The following USP35 variants were observed in gnomAD, a reference collection of about 807,000 sequenced individuals.
The protein encoded by USP35 is ubiquitin carboxyl-terminal hydrolase 35.
A neutral mutation model predicts 83.8 loss-of-function variants in USP35; 69 were observed. The ratio of observed to expected loss-of-function variants is 0.82; its 90% CI spans 0.68 to 1.01. USP35 has a LOEUF of 1.01. Ranked by LOEUF, USP35 falls within the 50% of genes least tolerant of loss-of-function variation. The pLI is 0.00. For missense variants in USP35, 1,503 were observed against 1,362.5 expected (o/e 1.10, Z -1.62); for synonymous variants, 714 against 589.5 (o/e 1.21, Z -3.06).
chr11:78,200,526 G>C (rs753920932), intron 5 of USP35, 124 bp from the exon 6 acceptor site: 143 of 1,395,942 alleles, frequency 1.0e-4, no homozygotes, highest in Non-Finnish European at 1.3e-4. Flanking sequence ...TGGGTCAGGG[G>C]ACAGTGGTCA....
rs368626758 is a variant in USP35, at chr11:78,213,854, C to T, written c.*41C>T. ...AACCTGACCCCTTCCCTCCAGGAGC[C>T]AGGTAGGGCCTGAGGGAAGCTGTGG... On this transcript the variant is annotated 3_prime_UTR_variant, in exon 11 of 11. Transcript: ENST00000529308. The T allele has an allele frequency of 2.0e-6, 3 of 1,528,402 alleles. No individual in the cohort carries two copies. In the African/African-American group the frequency reaches 4.4e-5, roughly 22 times the overall value. 94.7% of individuals were successfully genotyped at this position (1,528,402 alleles called of 1,614,324 possible).
At position 78,209,531 on chromosome 11, in the gene USP35, C is replaced by G. The variant is rs190931336; in HGVS notation, c.1676C>G (p.Pro559Arg). 17 of 1,614,098 alleles carry G rather than the reference C, an allele frequency of 1.1e-5. No individual in the cohort carries two copies. The highest frequency in any genetic ancestry group is 1.4e-5 in the Non-Finnish European group (16 of 1,180,008). The change falls in exon 10 of 11, where the codon CCG (proline) becomes CGG (arginine). Residue 559 changes from proline to arginine, a missense_variant. Pro to Arg is a moderately radical substitution (Grantham distance 103). Coordinates refer to ENST00000529308, the MANE Select transcript of USP35 (RefSeq NM_020798.4). ...TCGCCCTCTCCGCCCGAGGAGCCCC[C>G]GGCCCCAAGTTCAACCTCTGTGGAA... ...SSSPSPPEEP[P>R]APSSTSVEKM...
chr11:78,193,764 A>C (rs147783949), intron 1 of USP35, among the ~76,000 whole-genome samples: 3 of 146,770 alleles, frequency 2.0e-5, no homozygotes, highest in African/African-American at 7.4e-5. Flanking sequence ...AACAACAACA[A>C]AACCCAGAAT....
chr11:78,233,369 G>C, the USP35 span, among the ~76,000 whole-genome samples: 1 of 152,100 alleles, frequency 6.6e-6, no homozygotes, highest in African/African-American at 2.4e-5. Flanking sequence ...TTCCAGCAGA[G>C]GTAAAGCAGA....
At chr11:78,219,767 T>C (rs568615686), downstream of USP35, among the ~76,000 whole-genome samples, 1 of 152,262 alleles carries the variant, frequency 6.6e-6, no homozygotes, top group African/African-American at 2.4e-5. Flanking sequence ...AGGAATTTGC[T>C]AGGTGCAAAC....
chr11:78,230,359 T>G, the USP35 span, among the ~76,000 whole-genome samples: 1 of 152,244 alleles, frequency 6.6e-6, no homozygotes, highest in Non-Finnish European at 1.5e-5. Context: ...GCCCTGGTCT[T>G]GCATTACTCA....
chr11:78,207,739 T>C, intron 8 of USP35, 116 bp downstream of exon 8: 1 of 1,080,544 alleles, frequency 9.3e-7, no homozygotes. Context: ...CCCATGTCAG[T>C]TGCTGAGCCC....
chr11:78,200,706 G>A lies in USP35; in HGVS notation c.1095G>A (p.Ser365=), dbSNP rs758684728. The change falls in exon 6 of 11, where the codon TCG becomes TCA. Residue 365 remains serine (S), a synonymous_variant. Transcript: ENST00000529308. ...VASLVKEDSN[S]GTSCLEQLAE... Reference sequence around the variant, plus strand: ...CTCTGGTCAAGGAGGACTCGAACTCGGGGACCAGCTGCCTGGAGCAGCTGG... The same window carrying A: ...CTCTGGTCAAGGAGGACTCGAACTCAGGGACCAGCTGCCTGGAGCAGCTGG... The A allele has an allele frequency of 2.7e-5, 43 of 1,613,938 alleles. 1 individual carries two copies. The highest frequency in any genetic ancestry group is 2.0e-4 in the South Asian group (18 of 91,080).
the USP35 span, among the ~76,000 whole-genome samples, chr11:78,220,693 G>T: frequency 6.6e-6 from 1 of 152,124 alleles, no homozygotes; most frequent in Non-Finnish European, 1.5e-5. Context: ...AAGTGACTTT[G>T]CCTGTGGCTG....
the USP35 span, among the ~76,000 whole-genome samples, chr11:78,228,914 G>T: frequency 6.6e-6 from 1 of 152,012 alleles, no homozygotes; most frequent in Non-Finnish European, 1.5e-5. Context: ...TGCTTTTTTT[G>T]GAATTTCCAA....
chr11:78,207,365 G>T, intron 7 of USP35, 165 bp from the exon 8 acceptor site: 1 of 639,382 alleles, frequency 1.6e-6, no homozygotes, highest in South Asian at 1.9e-5. Context: ...AGGCTGAGTT[G>T]TTCACCTGCT....
chr11:78,233,355 G>C, the USP35 span, among the ~76,000 whole-genome samples: 9 of 152,246 alleles, frequency 5.9e-5, 1 homozygote, highest in South Asian at 1.9e-3. Context: ...TTTTATTTTA[G>C]CCCTTCCAGC....
chr11:78,229,260 T>TA, the USP35 span, among the ~76,000 whole-genome samples: 1 of 150,734 alleles, frequency 6.6e-6, no homozygotes, highest in Non-Finnish European at 1.5e-5. Context: ...AATGGTGTTC[T>TA]AGTTGAAGGC....
intron 1 of USP35, among the ~76,000 whole-genome samples, chr11:78,194,036 C>T (rs1033920583): frequency 6.6e-5 from 10 of 150,926 alleles, no homozygotes; most frequent in African/African-American, 2.4e-4. Context: ...CCGGCCGCAT[C>T]TGAGCTTGTA....
chr11:78,232,834 A>G, the USP35 span, among the ~76,000 whole-genome samples: 12 of 152,164 alleles, frequency 7.9e-5, no homozygotes, highest in Admixed American at 7.9e-4. Context: ...GGCAGGATGA[A>G]TGGGCTGATT....
In USP35 at chr11:78,205,865, C is replaced by T. The variant is rs1863513494; in HGVS notation, c.1221C>T (p.Asp407=). The change falls in exon 7 of 11, where the codon GAC becomes GAT. Residue 407 remains aspartate (D), a synonymous_variant. Transcript: ENST00000529308. ...AGGACCTCCATGTTCCCAATGAGGA[C>T]CGCATCAAGCAGCTGCTGGGGCAGG... ...AIKDLHVPNE[D]RIKQLLGQDA... is the part of the protein sequence containing the mutation. 1 of 1,613,776 alleles carries T rather than the reference C, an allele frequency of 6.2e-7. No homozygotes were observed. Among genetic ancestry groups the T allele is most frequent in the Admixed American group, 1.7e-5 (1 of 59,994 alleles).
the USP35 span, chr11:78,226,620 G>GGGGGGGGCCC: frequency 1.3e-6 from 2 of 1,500,520 alleles, no homozygotes; most frequent in South Asian, 1.1e-5. Context: ...GCGGGGTGGG[G>GGGGGGGGCCC]GAGCTATGGC....
chr11:78,207,742 C>G, intron 8 of USP35, 119 bp downstream of exon 8: 1 of 1,055,830 alleles, frequency 9.5e-7, no homozygotes, highest in Non-Finnish European at 1.4e-6. Context: ...ATGTCAGTTG[C>G]TGAGCCCCTG....
At chr11:78,231,308 C>T in the USP35 span, among the ~76,000 whole-genome samples, 3 of 150,206 alleles carry the variant, frequency 2.0e-5, no homozygotes, top group Non-Finnish European at 4.4e-5. Flanking sequence ...CATACAGTCT[C>T]TCCCTTGGTG....
Sources: gnomAD v4.1 joint callset for allele counts (sites outside exome capture counted in the v4.1 genomes callset) on GRCh38, gnomAD v4.1.1 for gene constraint, MANE v1.5 for transcripts, NCBI Gene and HGNC (gene_info 2026-07-23, HGNC 2026-07-21) for gene names.